The following GNA14 variants were observed in gnomAD, a reference collection of about 807,000 sequenced individuals.
The protein encoded by GNA14 is guanine nucleotide-binding protein subunit alpha-14.
Under a neutral mutation model 42.0 loss-of-function variants are expected in GNA14, and 50 were observed. That is an observed-to-expected ratio of 1.19 (90% CI 0.95 to 1.51). The LOEUF (loss-of-function observed/expected upper bound fraction) is 1.51, where lower values mean the gene tolerates loss of function less well. GNA14 is among the 40% of genes most tolerant of loss of function. The probability of loss-of-function intolerance (pLI) is 0.00; values close to 1 mark genes in which losing one functional copy is unlikely to be tolerated. For synonymous variants in GNA14, 173 were observed against 163.1 expected (o/e 1.06, Z -0.46); for missense variants, 473 against 446.2 (o/e 1.06, Z -0.54).
At chr9:77,500,750 G>T (rs1475752667) in intron 2 of GNA14, among the ~76,000 whole-genome samples, 1 of 152,198 alleles carries the variant, frequency 6.6e-6, no homozygotes, top group Non-Finnish European at 1.5e-5. Context: ...AGTCTCTGAA[G>T]ATTCATCCAG....
intron 1 of GNA14, among the ~76,000 whole-genome samples, chr9:77,556,551 T>A (rs996585795): frequency 2.0e-5 from 3 of 152,080 alleles, no homozygotes; most frequent in South Asian, 2.1e-4. Context: ...TCACAATACG[T>A]CTCCATGTTT....
chr9:77,438,864 C>T (rs1315466515), intron 2 of GNA14, among the ~76,000 whole-genome samples: 1 of 152,164 alleles, frequency 6.6e-6, no homozygotes, highest in Non-Finnish European at 1.5e-5. Flanking sequence ...AAAACAAGGA[C>T]ATCATCGTGC....
intron 2 of GNA14, among the ~76,000 whole-genome samples, chr9:77,504,862 T>G (rs1837041757): frequency 6.6e-6 from 1 of 151,918 alleles, no homozygotes; most frequent in Non-Finnish European, 1.5e-5. Flanking sequence ...GAGACGGGGT[T>G]TCATCACGTT....
intron 1 of GNA14, among the ~76,000 whole-genome samples, chr9:77,583,170 G>C (rs1321642281): frequency 6.6e-6 from 1 of 152,186 alleles, no homozygotes; most frequent in Non-Finnish European, 1.5e-5. Context: ...CCCAACAAAT[G>C]AGATAACGCA....
intron 1 of GNA14, among the ~76,000 whole-genome samples, chr9:77,569,490 TG>T (rs1823027042): frequency 1.3e-5 from 2 of 152,106 alleles, no homozygotes; most frequent in South Asian, 4.1e-4. Flanking sequence ...GAAATGGCTG[TG>T]AACAAGATGG....
intron 1 of GNA14, among the ~76,000 whole-genome samples, chr9:77,643,014 C>G (rs62574867): frequency 6.6e-6 from 1 of 152,132 alleles, no homozygotes; most frequent in Non-Finnish European, 1.5e-5. Context: ...TCCCCCTTTA[C>G]GCTCTGCCTG....
intron 1 of GNA14, among the ~76,000 whole-genome samples, chr9:77,571,885 TTGG>T (rs1366911298): frequency 6.6e-6 from 1 of 152,220 alleles, no homozygotes; most frequent in Non-Finnish European, 1.5e-5. Flanking sequence ...TTTTGATATA[TTGG>T]GTTAAATAAA....
intron 2 of GNA14, among the ~76,000 whole-genome samples, chr9:77,437,546 G>A (rs909189108): frequency 1.4e-5 from 2 of 143,472 alleles, no homozygotes; most frequent in African/African-American, 2.8e-5. Context: ...GTATAAGAAA[G>A]AGAAAGAGAG....
intron 1 of GNA14, among the ~76,000 whole-genome samples, chr9:77,551,275 T>C (rs1396141540): frequency 6.6e-6 from 1 of 152,174 alleles, no homozygotes; most frequent in Non-Finnish European, 1.5e-5. Flanking sequence ...TCATCCTTTT[T>C]CAAATTTTGA....
intron 1 of GNA14, among the ~76,000 whole-genome samples, chr9:77,552,223 T>A (rs150801608): frequency 6.6e-6 from 1 of 151,652 alleles, no homozygotes; most frequent in East Asian, 1.9e-4. Flanking sequence ...ATCTATAATA[T>A]CCAGATTCTG....
chr9:77,450,825 G>A (rs1835890687), intron 2 of GNA14, among the ~76,000 whole-genome samples: 2 of 151,900 alleles, frequency 1.3e-5, no homozygotes, highest in Non-Finnish European at 2.9e-5. Flanking sequence ...CATGGGGGTG[G>A]GTTTTTCCCG....
intron 1 of GNA14, among the ~76,000 whole-genome samples, chr9:77,612,189 CT>C (rs890238246): frequency 6.6e-6 from 1 of 152,070 alleles, no homozygotes; most frequent in Non-Finnish European, 1.5e-5. Context: ...TGAGTAGCAG[CT>C]GGAAAGTAGA....
At chr9:77,578,184 G>A (rs886723126) in intron 1 of GNA14, among the ~76,000 whole-genome samples, 2 of 152,234 alleles carry the variant, frequency 1.3e-5, no homozygotes, top group Non-Finnish European at 2.9e-5. Flanking sequence ...GCTGAGGCAG[G>A]AGAATCGCTT....
intron 1 of GNA14, among the ~76,000 whole-genome samples, chr9:77,627,475 A>G (rs1185391282): frequency 1.3e-5 from 2 of 152,206 alleles, no homozygotes; most frequent in East Asian, 3.8e-4. Flanking sequence ...CCTGATGAAC[A>G]TCAATGCGAA....
chr9:77,439,477 A>G (rs1835690803), intron 2 of GNA14, among the ~76,000 whole-genome samples: 1 of 152,128 alleles, frequency 6.6e-6, no homozygotes, highest in African/African-American at 2.4e-5. Context: ...ATCTCTACAA[A>G]AAATACAAAA....
At chr9:77,487,086 G>A (rs1457434840) in intron 2 of GNA14, among the ~76,000 whole-genome samples, 1 of 151,840 alleles carries the variant, frequency 6.6e-6, no homozygotes, top group African/African-American at 2.4e-5. Context: ...AGGTATGCTT[G>A]TATTATGTTT....
chr9:77,446,913 C>T (rs901197142), intron 2 of GNA14, among the ~76,000 whole-genome samples: 2 of 151,938 alleles, frequency 1.3e-5, no homozygotes, highest in South Asian at 4.1e-4. Context: ...CAGAGATGAA[C>T]TATCACACCA....
At position 77,529,132 on chromosome 9, in the gene GNA14, G is replaced by A. The variant is rs1304829388; in HGVS notation, c.246C>T (p.Ala82=). 6 of 1,614,000 alleles carry A rather than the reference G, an allele frequency of 3.7e-6. No individual in the cohort carries two copies. In the African/African-American group the frequency reaches 6.7e-5, roughly 18 times the overall value. Residue 82 remains alanine (A), a synonymous_variant, in exon 2 of 7, where the codon GCC becomes GCT. Coordinates refer to ENST00000341700, the MANE Select transcript of GNA14 (RefSeq NM_004297.4). ...TKLVYQNIFT[A]MQAMIRAMDT... Reference sequence around the variant, plus strand: ...CCATCGCTCTGATCATGGCTTGCATGGCGGTGAATATGTTTTGGTAAACCA... The same window carrying A: ...CCATCGCTCTGATCATGGCTTGCATAGCGGTGAATATGTTTTGGTAAACCA...
intron 1 of GNA14, among the ~76,000 whole-genome samples, chr9:77,541,282 T>C (rs550220849): frequency 6.6e-5 from 10 of 152,200 alleles, no homozygotes; most frequent in Non-Finnish European, 1.3e-4. Context: ...ATTTTTTCTT[T>C]ATTTATGAAG....
Sources: gnomAD v4.1 joint callset for allele counts (sites outside exome capture counted in the v4.1 genomes callset) on GRCh38, gnomAD v4.1.1 for gene constraint, MANE v1.5 for transcripts, NCBI Gene and HGNC (gene_info 2026-07-23, HGNC 2026-07-21) for gene names.